MZT2B: variants seen among roughly 807,000 people sequenced by gnomAD.
MZT2B encodes the protein mitotic spindle organizing protein 2B.
MZT2B carries 11 observed loss-of-function variants against 12.1 expected under a neutral mutation model. The observed-to-expected ratio is 0.91, with a 90% confidence interval of 0.57 to 1.50. The LOEUF is 1.50. Ranked by LOEUF, MZT2B falls within the 40% of genes most tolerant of loss-of-function variation. The probability of loss-of-function intolerance (pLI) is 0.00; values close to 1 mark genes in which losing one functional copy is unlikely to be tolerated. For synonymous variants in MZT2B, 85 were observed against 109.5 expected (o/e 0.78, Z 1.40); for missense variants, 209 against 227.7 (o/e 0.92, Z 0.53).
downstream of MZT2B, chr2:130,195,044 C>T (rs112151923): frequency 2.1e-4 from 343 of 1,609,540 alleles, no homozygotes; most frequent in East Asian, 4.7e-3. Context: ...CCCTCCCATG[C>T]AAGACAATGG....
At chr2:130,190,798 G>C, downstream of MZT2B, 1 of 1,354,518 alleles carries the variant, frequency 7.4e-7, no homozygotes, top group Non-Finnish European at 9.5e-7. Context: ...AAGTTTCTGT[G>C]CCGGTCCTGG....
Position 130,182,829 on chromosome 2 carries a change from G to C in MZT2B, c.319+54G>C, listed in dbSNP as rs1345335910. ...CAGTGGCGGGGGTGGCGGGCGGGGA[G>C]GGGGCAGGCGCGGCACAGCGGCGGC... On this transcript the variant is annotated intron_variant, in intron 2 of 2. Transcript: ENST00000281871. 5.8e-5 allele frequency: 81 copies of C among 1,393,264 alleles called. No homozygotes were observed. The Middle Eastern group carries it at 7.8e-4, about 13-fold the overall frequency. 86.3% of individuals were successfully genotyped at this position (1,393,264 alleles called of 1,614,324 possible).
At chr2:130,203,054 T>TC in the MZT2B span, among the ~76,000 whole-genome samples, 1 of 139,018 alleles carries the variant, frequency 7.2e-6, no homozygotes, top group Non-Finnish European at 1.5e-5. Flanking sequence ...TTTTCTTTTT[T>TC]TTTTTTTTTT....
At chr2:130,184,219 T>C in intron 2 of MZT2B, 1 of 1,408,684 alleles carries the variant, frequency 7.1e-7, no homozygotes, top group Non-Finnish European at 9.2e-7. Flanking sequence ...AGAGGCGAAC[T>C]GTGGTGAGTG....
chr2:130,190,531 G>C lies in MZT2B; in HGVS notation c.382G>C (p.Glu128Gln). The change falls in exon 3 of 3, where the codon GAA (glutamate) becomes CAA (glutamine). Residue 128 changes from glutamate to glutamine, a missense_variant. Coordinates refer to ENST00000281871, the MANE Select transcript of MZT2B (RefSeq NM_025029.5). The stretch of plus-strand genomic sequence containing the variant: ...GGCCCTGGCGGAACGCAGCAGCCGC[G>C]AAGGATCCAGCCAGAGGATGCCACG... ...ALALAERSSREGSSQRMPRQP... is the reference protein window; with the variant it reads ...ALALAERSSRQGSSQRMPRQP... The C allele has an allele frequency of 6.2e-7, 1 of 1,613,870 alleles. No individual in the cohort carries two copies. Among genetic ancestry groups the C allele is most frequent in the South Asian group, 1.1e-5 (1 of 91,080 alleles).
the MZT2B span, among the ~76,000 whole-genome samples, chr2:130,204,709 GGGT>G: frequency 0.017 from 2,351 of 138,698 alleles, 67 homozygotes; most frequent in Non-Finnish European, 0.026. Flanking sequence ...AAAAAAGGGG[GGGT>G]GGGGAGGAAG....
At chr2:130,191,906 T>C (rs1157142948), downstream of MZT2B, 2 of 1,614,136 alleles carry the variant, frequency 1.2e-6, no homozygotes, top group Non-Finnish European at 1.7e-6. Context: ...TCTCTAGAGC[T>C]GCCAGGTCCT....
At chr2:130,187,292 A>G (rs995577614) in intron 2 of MZT2B, among the ~76,000 whole-genome samples, 10 of 152,192 alleles carry the variant, frequency 6.6e-5, no homozygotes, top group African/African-American at 1.9e-4. Context: ...GTGGGCTCAG[A>G]CAATCCTCCC....
chr2:130,184,050 C>T, intron 2 of MZT2B: 2 of 1,550,246 alleles, frequency 1.3e-6, no homozygotes, highest in Non-Finnish European at 1.7e-6. Context: ...GCCCAAGCAG[C>T]TTTGAGCTCC....
At chr2:130,181,682 G>C (rs925180676), upstream of MZT2B, 1 of 1,548,304 alleles carries the variant, frequency 6.5e-7, no homozygotes, top group African/African-American at 1.4e-5. Flanking sequence ...CAAAAGGCGC[G>C]TGCGCAAAGC....
the MZT2B span, among the ~76,000 whole-genome samples, chr2:130,202,161 C>T: frequency 6.6e-6 from 1 of 151,864 alleles, no homozygotes; most frequent in African/African-American, 2.4e-5. Context: ...TGTTTCTGGC[C>T]CCTAAGTATT....
intron 2 of MZT2B, chr2:130,184,878 C>A (rs1689998990): frequency 2.0e-6 from 2 of 985,318 alleles, no homozygotes. Context: ...GGAAAACCAC[C>A]AGCGAGACCA....
intron 1 of MZT2B, 85 bp from the exon 2 acceptor site, chr2:130,182,542 C>G (rs989600911): frequency 3.0e-5 from 46 of 1,555,466 alleles, no homozygotes; most frequent in Non-Finnish European, 3.6e-5. Flanking sequence ...CGGGAGGAGC[C>G]CCCGCCCCCG....
chr2:130,185,676 G>T (rs1385706547), intron 2 of MZT2B, among the ~76,000 whole-genome samples: 1 of 116,274 alleles, frequency 8.6e-6, no homozygotes, highest in African/African-American at 3.1e-5. Context: ...GTAGGCCGGG[G>T]GCGGGAGGAG....
In MZT2B at chr2:130,190,634, CAG is replaced by C; in HGVS notation, c.*12_*13del. 1.3e-6 allele frequency: 2 copies of C among 1,594,638 alleles called. No individual in the cohort carries two copies. Among genetic ancestry groups the C allele is most frequent in the Non-Finnish European group, 1.7e-6 (2 of 1,165,360 alleles). ...ACACGGGGCAGCACCTAGGATGGGG[CAG>C]AGACTTGTTGCATCTTTGTCCCCAG... is the stretch of plus-strand genomic sequence containing the variant. On this transcript the variant is annotated 3_prime_UTR_variant, in exon 3 of 3. Coordinates refer to ENST00000281871, the MANE Select transcript of MZT2B (RefSeq NM_025029.5).
downstream of MZT2B, chr2:130,194,614 A>C (rs1690359901): frequency 2.6e-6 from 3 of 1,135,264 alleles, no homozygotes; most frequent in Admixed American, 2.9e-5. Flanking sequence ...TGAAGCAAAG[A>C]AAAGCAAAGA....
downstream of MZT2B, among the ~76,000 whole-genome samples, chr2:130,194,759 C>A (rs548547492): frequency 2.0e-5 from 3 of 152,142 alleles, no homozygotes; most frequent in Non-Finnish European, 4.4e-5. Flanking sequence ...CTCACTGCAA[C>A]CTCCACCTTC....
chr2:130,182,400 C>G lies in MZT2B; in HGVS notation c.118C>G (p.Leu40Val), dbSNP rs376076371. 2.6e-5 allele frequency: 41 copies of G among 1,563,434 alleles called. No homozygotes were observed. The highest frequency in any genetic ancestry group is 2.4e-4 in the Admixed American group (13 of 53,522). ...GGTGCTGAGCACCGAGGAGATGGAG[C>G]TGTACGAGCTGGCGCAGGCGGCGGG... The part of the protein sequence containing the change: ...KKVLSTEEME[L>V]YELAQAAGGA... The change falls in exon 1 of 3, where the codon CTG becomes GTG. Residue 40 changes from leucine to valine, a missense_variant. By Grantham distance (32) the Leu-to-Val change is conservative. Transcript: ENST00000281871.
At chr2:130,192,015 C>T (rs142673044), downstream of MZT2B, 2,947 of 1,614,100 alleles carry the variant, frequency 1.8e-3, 4 homozygotes, top group Middle Eastern at 7.4e-3. Flanking sequence ...ATGGACCAGG[C>T]GGGCCCAGGC....
Sources: gnomAD v4.1 joint callset for allele counts (sites outside exome capture counted in the v4.1 genomes callset) on GRCh38, gnomAD v4.1.1 for gene constraint, MANE v1.5 for transcripts, NCBI Gene and HGNC (gene_info 2026-07-23, HGNC 2026-07-21) for gene names.